The following HEG1 variants were observed in gnomAD, a reference collection of about 807,000 sequenced individuals.
HEG1 encodes the protein heart development protein with EGF like domains 1.
A neutral mutation model predicts 125.6 loss-of-function variants in HEG1; 56 were observed. The observed-to-expected ratio is 0.45, with a 90% CI of 0.36 to 0.56. The LOEUF is 0.56. Ranked by LOEUF, HEG1 falls within the 20% of genes least tolerant of loss-of-function variation. HEG1 has a pLI of 0.00. For missense variants in HEG1, 1,523 were observed against 1,670.0 expected (o/e 0.91, Z 1.53); for synonymous variants, 644 against 668.5 (o/e 0.96, Z 0.57).
rs1446575071 is a variant in HEG1 at position 124,994,089 on chromosome 3, G to C, written c.3653-3103C>G. ...TGGAAGACATTTTTTCCATGGACCA[G>C]CAAGGGGGTGGTCTTGGGAAGATGG... On this transcript the variant is annotated intron_variant, in intron 12 of 16. Transcript: ENST00000311127. 2.6e-5 allele frequency among the ~76,000 whole-genome samples: 4 copies of C among 152,156 alleles called. No homozygotes were observed. The East Asian group carries it at 7.7e-4, about 29-fold the overall frequency.
Position 124,970,814 on chromosome 3 carries a change from G to C in HEG1, c.3997-13C>G. ...TTACACTTGTAGGCTGGTTGCCAAAGAGAAAAGAAGAAAAGTCAATTTATC... is the reference window on the plus strand; with the variant it reads ...TTACACTTGTAGGCTGGTTGCCAAACAGAAAAGAAGAAAAGTCAATTTATC... On this transcript the variant is annotated splice_polypyrimidine_tract_variant and intron_variant, in intron 16 of 16. Coordinates refer to ENST00000311127, the MANE Select transcript of HEG1 (RefSeq NM_020733.2). 6.3e-7 allele frequency: 1 copy of C among 1,599,938 alleles called. No individual in the cohort carries two copies. The highest frequency in any genetic ancestry group is 8.5e-7 in the Non-Finnish European group (1 of 1,173,128).
chr3:125,032,716 G>A (rs1382512945), intron 1 of HEG1, among the ~76,000 whole-genome samples: 1 of 152,230 alleles, frequency 6.6e-6, no homozygotes, highest in Non-Finnish European at 1.5e-5. Flanking sequence ...ATTCTCCAAG[G>A]AAGACAGAGA....
At chr3:125,005,704 T>C (rs1486930173) in intron 8 of HEG1, among the ~76,000 whole-genome samples, 1 of 152,148 alleles carries the variant, frequency 6.6e-6, no homozygotes, top group Non-Finnish European at 1.5e-5. Context: ...CCAAGAAAGC[T>C]GCTACAAAGA....
chr3:125,035,350 T>C (rs1937539935), intron 1 of HEG1, among the ~76,000 whole-genome samples: 1 of 152,098 alleles, frequency 6.6e-6, no homozygotes, highest in African/African-American at 2.4e-5. Flanking sequence ...AAACGAAACA[T>C]GTACCTCTAT....
chr3:124,984,768 C>A (rs779604225), intron 14 of HEG1, among the ~76,000 whole-genome samples: 24 of 151,458 alleles, frequency 1.6e-4, no homozygotes, highest in Admixed American at 3.3e-4. Flanking sequence ...TCAAAAAAAA[C>A]CAAAAAACAA....
intron 14 of HEG1, among the ~76,000 whole-genome samples, chr3:124,985,760 TG>T (rs931282675): frequency 1.3e-5 from 2 of 152,202 alleles, no homozygotes; most frequent in African/African-American, 4.8e-5. Flanking sequence ...GAGAAAGGTT[TG>T]TCCTGCCCTT....
At chr3:125,015,871 G>T (rs934291021) in intron 5 of HEG1, among the ~76,000 whole-genome samples, 1 of 152,110 alleles carries the variant, frequency 6.6e-6, no homozygotes, top group Non-Finnish European at 1.5e-5. Context: ...CTGTCAGTAC[G>T]CCATGGCCAT....
chr3:125,029,227 G>C lies in HEG1; in HGVS notation c.578C>G (p.Ala193Gly), dbSNP rs1666197506. 6.2e-7 allele frequency: 1 copy of C among 1,613,076 alleles called. No homozygotes were observed. The highest frequency in any genetic ancestry group is 8.5e-7 in the Non-Finnish European group (1 of 1,179,620). ...GCCACTCTGGGAAGTCAGAGCTGTTGCTATCTCCAGTGAGTACCCAACAGG... is the reference window on the plus strand; with the variant it reads ...GCCACTCTGGGAAGTCAGAGCTGTTCCTATCTCCAGTGAGTACCCAACAGG... ...ILPVGYSLEI[A>G]TALTSQSGNL... is the part of the protein sequence containing the mutation. Residue 193 changes from alanine (A) to glycine (G), a missense_variant, in exon 2 of 17, where the codon GCA becomes GGA. Coordinates refer to ENST00000311127, the MANE Select transcript of HEG1 (RefSeq NM_020733.2).
Position 124,990,910 on chromosome 3 carries a change from T to A in HEG1, c.3695+34A>T, listed in dbSNP as rs377032257. 3 of 1,554,270 alleles carry A rather than the reference T, an allele frequency of 1.9e-6. No homozygotes were observed. In the African/African-American group the frequency reaches 4.1e-5, roughly 21 times the overall value. On this transcript the variant is annotated intron_variant, in intron 13 of 16. Coordinates refer to ENST00000311127, the MANE Select transcript of HEG1 (RefSeq NM_020733.2). ...AGGCAATTTATCTAAATAAGATTTG[T>A]AACAAAATTAGACTAAATCAACATG...
Position 125,001,974 on chromosome 3 carries a change from A to T in HEG1, c.3395T>A (p.Phe1132Tyr). 1 of 1,614,012 alleles carries T rather than the reference A, an allele frequency of 6.2e-7. No homozygotes were observed. The change falls in exon 11 of 17, where the codon TTT becomes TAT. Residue 1132 changes from phenylalanine (F) to tyrosine (Y), a missense_variant. Phe to Tyr is a conservative substitution (Grantham distance 22). Transcript: ENST00000311127. ...TAGCGTCACATTGGAGGCCAGGGAAAAGGTTGTTTGCAGTGAGATCACCAC... is the reference window on the plus strand; with the variant it reads ...TAGCGTCACATTGGAGGCCAGGGAATAGGTTGTTTGCAGTGAGATCACCAC... ...NAVVISLQTT[F>Y]SLASNVTLFD...
rs778937839 is a variant in HEG1 at position 125,019,503 on chromosome 3, C to A, written c.1347G>T (p.Met449Ile). 1 of 1,614,040 alleles carries A rather than the reference C, an allele frequency of 6.2e-7. No individual in the cohort carries two copies. Among genetic ancestry groups the A allele is most frequent in the Non-Finnish European group, 8.5e-7 (1 of 1,179,900 alleles). The change falls in exon 5 of 17, where the codon ATG becomes ATT. Residue 449 changes from methionine to isoleucine, a missense_variant. Transcript: ENST00000311127. ...TETVSRSVAPMRGGEITAHWL... is the reference protein window; with the variant it reads ...TETVSRSVAPIRGGEITAHWL... Reference sequence around the variant, plus strand: ...AGTGTGCAGTGATCTCTCCACCTCTCATGGGTGCGACTGACCTAGACACAG... The same window carrying A: ...AGTGTGCAGTGATCTCTCCACCTCTAATGGGTGCGACTGACCTAGACACAG...
intron 12 of HEG1, among the ~76,000 whole-genome samples, chr3:124,996,877 A>T (rs1030208667): frequency 6.6e-6 from 1 of 152,186 alleles, no homozygotes. Flanking sequence ...GGTGATTGCA[A>T]GTTGCAGCAG....
intron 1 of HEG1, among the ~76,000 whole-genome samples, chr3:125,050,612 T>A (rs1366641462): frequency 6.6e-6 from 1 of 152,226 alleles, no homozygotes; most frequent in African/African-American, 2.4e-5. Context: ...TATGATCTCC[T>A]GTGGCATTTC....
At chr3:125,051,036 TC>T (rs1937794179) in intron 1 of HEG1, among the ~76,000 whole-genome samples, 1 of 152,190 alleles carries the variant, frequency 6.6e-6, no homozygotes, top group Non-Finnish European at 1.5e-5. Flanking sequence ...TGCTCCACGT[TC>T]CCAGGAGAGG....
chr3:124,987,309 T>C (rs1936753324), intron 14 of HEG1, among the ~76,000 whole-genome samples: 1 of 152,210 alleles, frequency 6.6e-6, no homozygotes, highest in Non-Finnish European at 1.5e-5. Context: ...CCAAGAGGAC[T>C]GAGCAGGTCA....
chr3:124,978,944 CT>C (rs995365104), intron 14 of HEG1, among the ~76,000 whole-genome samples: 104 of 144,660 alleles, frequency 7.2e-4, no homozygotes, highest in African/African-American at 8.8e-4. Context: ...TATAAAAATT[CT>C]TTTTTTTTTT....
chr3:125,007,428 T>C (rs991599303), intron 8 of HEG1, among the ~76,000 whole-genome samples: 105 of 152,324 alleles, frequency 6.9e-4, no homozygotes, highest in African/African-American at 2.4e-3. Flanking sequence ...GTAGAAGTTT[T>C]ACTTCCAATT....
chr3:124,987,249 G>T (rs1326439936), intron 14 of HEG1, among the ~76,000 whole-genome samples: 1 of 152,128 alleles, frequency 6.6e-6, no homozygotes, highest in Non-Finnish European at 1.5e-5. Flanking sequence ...ACCAAAGCAG[G>T]TTTAAAGTAC....
At chr3:124,990,903 A>G (rs1467253536) in intron 13 of HEG1, 41 bp downstream of exon 13, 1 of 1,553,626 alleles carries the variant, frequency 6.4e-7, no homozygotes, top group African/African-American at 1.4e-5. Flanking sequence ...TATCTAAATA[A>G]GATTTGTAAC....
Sources: gnomAD v4.1 joint callset for allele counts (sites outside exome capture counted in the v4.1 genomes callset) on GRCh38, gnomAD v4.1.1 for gene constraint, MANE v1.5 for transcripts, NCBI Gene and HGNC (gene_info 2026-07-23, HGNC 2026-07-21) for gene names.